INPP4A: variants seen among roughly 807,000 people sequenced by gnomAD.
The protein encoded by INPP4A is inositol polyphosphate-4-phosphatase, type I, 107kD.
A neutral mutation model predicts 119.8 loss-of-function variants in INPP4A; 33 were observed. The observed-to-expected ratio is 0.28, with a 90% CI of 0.21 to 0.37. The LOEUF (loss-of-function observed/expected upper bound fraction) is 0.37. Ranked by LOEUF, INPP4A falls within the 10% of genes least tolerant of loss-of-function variation. INPP4A has a pLI of 1.00. For missense variants in INPP4A, 956 were observed against 1,289.9 expected (o/e 0.74, Z 3.97); for synonymous variants, 496 against 500.7 (o/e 0.99, Z 0.12).
At chr2:98,472,197 T>C (rs1676172524) in intron 1 of INPP4A, among the ~76,000 whole-genome samples, 2 of 152,196 alleles carry the variant, frequency 1.3e-5, no homozygotes, top group South Asian at 4.1e-4. Flanking sequence ...CAAGGAGGGC[T>C]GGGCCTTGAA....
intron 10 of INPP4A, 107 bp downstream of exon 10, chr2:98,539,782 A>C: frequency 8.9e-7 from 1 of 1,117,564 alleles, no homozygotes; most frequent in Non-Finnish European, 1.2e-6. Context: ...CTGGACTGCA[A>C]ACACAGCCTC....
rs1210593911 is a variant in INPP4A, at chr2:98,555,625, G to C, written c.1639G>C (p.Glu547Gln). 1 of 1,608,028 alleles carries C rather than the reference G, an allele frequency of 6.2e-7. No homozygotes were observed. Among genetic ancestry groups the C allele is most frequent in the Admixed American group, 1.7e-5 (1 of 59,938 alleles). ...IQRVDKLLQK[E>Q]RLHGEGCEDV... is the part of the protein sequence containing the mutation. ...GCGTGTGGACAAGCTGCTGCAGAAG[G>C]AGCGGCTGCATGGCGAGGGCTGTGA... Residue 547 changes from glutamate (E) to glutamine (Q), a missense_variant, in exon 16 of 25, where the codon GAG becomes CAG. Around this residue, in one of 2 missense-constraint regions of INPP4A, gnomAD observed 652 missense variants for 797.9 expected, o/e 0.82. Transcript: ENST00000409851.
intron 1 of INPP4A, among the ~76,000 whole-genome samples, chr2:98,498,271 G>A (rs1383820927): frequency 6.6e-6 from 1 of 151,980 alleles, no homozygotes; most frequent in Non-Finnish European, 1.5e-5. Flanking sequence ...CTCCCATACT[G>A]TTCTCATGAT....
chr2:98,491,075 GAAC>G (rs1311875031), intron 1 of INPP4A, among the ~76,000 whole-genome samples: 3 of 152,168 alleles, frequency 2.0e-5, no homozygotes, highest in Admixed American at 6.5e-5. Context: ...ACAATAGTAG[GAAC>G]AACAAGTTCT....
At chr2:98,462,748 T>C (rs562496166) in intron 1 of INPP4A, among the ~76,000 whole-genome samples, 1 of 152,256 alleles carries the variant, frequency 6.6e-6, no homozygotes, top group South Asian at 2.1e-4. Flanking sequence ...ATTGAACTCC[T>C]GGGCTCAAGC....
At position 98,587,675 on chromosome 2, in the gene INPP4A, T is replaced by G; in HGVS notation, c.*67T>G. 3 of 1,228,496 alleles carry G rather than the reference T, an allele frequency of 2.4e-6. No homozygotes were observed. Among genetic ancestry groups the G allele is most frequent in the Non-Finnish European group, 3.4e-6 (3 of 888,878 alleles). 76.1% of individuals were successfully genotyped at this position (1,228,496 alleles called of 1,614,324 possible). On this transcript the variant is annotated 3_prime_UTR_variant, in exon 25 of 25. Transcript: ENST00000409851. ...GGTACCCTCTAGTGTCATATATGAA[T>G]TCTTCAAGAAGACCTGAAGGATTGG...
Position 98,567,949 on chromosome 2 carries a change from G to A in INPP4A, c.2421-622G>A, listed in dbSNP as rs540691294. Among the ~76,000 whole-genome samples, 5 of 152,332 alleles carry A rather than the reference G, an allele frequency of 3.3e-5. No homozygotes were observed. In the South Asian group the frequency reaches 1.0e-3, roughly 32 times the overall value. ...CAGGGATGTGTGAGACTGCACTGGGGCCCAGGACCTGGACTTCAGAGCCTG... is the reference window on the plus strand; with the variant it reads ...CAGGGATGTGTGAGACTGCACTGGGACCCAGGACCTGGACTTCAGAGCCTG... On this transcript the variant is annotated intron_variant, in intron 21 of 24. Coordinates refer to ENST00000409851, the MANE Select transcript of INPP4A (RefSeq NM_001134225.2).
At chr2:98,448,803 C>G (rs752392199) in intron 1 of INPP4A, among the ~76,000 whole-genome samples, 41 of 151,426 alleles carry the variant, frequency 2.7e-4, no homozygotes, top group Admixed American at 1.1e-3. Flanking sequence ...CTACTCCACT[C>G]AGTGATCCTT....
At chr2:98,576,906 GTT>G in intron 23 of INPP4A, 81 bp from the exon 24 acceptor site, 1 of 1,511,146 alleles carries the variant, frequency 6.6e-7, no homozygotes. Context: ...TGCTGGGCTG[GTT>G]GGGAGCCTTT....
Position 98,552,951 on chromosome 2 carries a change from C to T in INPP4A, c.1329C>T (p.Leu443=), listed in dbSNP as rs137960574. 2.5e-4 allele frequency: 404 copies of T among 1,611,314 alleles called. 1 individual carries two copies. Among genetic ancestry groups the T allele is most frequent in the Middle Eastern group, 1.2e-3 (7 of 6,060 alleles). Residue 443 remains leucine (L), a synonymous_variant, in exon 14 of 25, where the codon CTC becomes CTT. Transcript: ENST00000409851. ...CTGCCACTGGCCTTGAGAGGACACT[C>T]GCCATCTTGGCAGACAAGGTAGGAG... The part of the protein sequence containing the change: ...DRSATGLERT[L]AILADKTRQL...
rs909703889 is a variant in INPP4A at position 98,589,797 on chromosome 2, G to A, written c.*2189G>A. 20 of 185,914 alleles carry A rather than the reference G, an allele frequency of 1.1e-4. No homozygotes were observed. The highest frequency in any genetic ancestry group is 6.8e-4 in the Admixed American group (11 of 16,106). The allele number at this position is 185,914 out of a possible 1,614,324, so 11.5% of individuals were successfully genotyped here. A position where few individuals can be genotyped will look rare whatever the true frequency, so the allele number is the denominator to read the frequency against. On this transcript the variant is annotated 3_prime_UTR_variant, in exon 25 of 25. Transcript: ENST00000409851. ...AGGGAAGGCAGTTTTACAGGTTACC[G>A]TAAAACAGAGGTTCCGTCCAGTGTT...
intron 1 of INPP4A, 30 bp downstream of exon 1, chr2:98,445,115 C>A (rs959215841): frequency 1.3e-5 from 2 of 150,420 alleles, no homozygotes; most frequent in Non-Finnish European, 3.0e-5. Context: ...CAGGAGGCGA[C>A]GCGGCCGCCG....
intron 1 of INPP4A, among the ~76,000 whole-genome samples, chr2:98,493,479 C>T (rs1474141836): frequency 6.9e-6 from 1 of 145,166 alleles, no homozygotes; most frequent in South Asian, 2.2e-4. Flanking sequence ...CATGCTGCAG[C>T]CTCAACCTCC....
rs747228571 is a variant in INPP4A at position 98,566,050 on chromosome 2, C to T, written c.2301C>T (p.Val767=). ...CCAGCGACGGGTTTAACGTGCGGGT[C>T]CCTCTGCCGGGCCCGCTGTTTGACG... is the stretch of plus-strand genomic sequence containing the variant. ...TGNRDGFNVR[V]PLPGPLFDAL... The change falls in exon 21 of 25, where the codon GTC becomes GTT. Residue 767 remains valine (V), a synonymous_variant. Transcript: ENST00000409851. This position sits in a 1 kb window ranked among gnomAD's most constrained non-coding sequence, Gnocchi z 4.2. 14 of 1,606,082 alleles carry T rather than the reference C, an allele frequency of 8.7e-6. No individual in the cohort carries two copies. Among genetic ancestry groups the T allele is most frequent in the Non-Finnish European group, 1.2e-5 (14 of 1,176,742 alleles).
chr2:98,545,823 G>T (rs1186741713), intron 11 of INPP4A, 146 bp from the exon 12 acceptor site: 1 of 583,288 alleles, frequency 1.7e-6, no homozygotes, highest in Non-Finnish European at 3.0e-6. Context: ...AATGAAATGT[G>T]CTCATGGCAA....
At chr2:98,563,933 GTTTTT>G (rs60347668) in intron 18 of INPP4A, among the ~76,000 whole-genome samples, 1 of 125,508 alleles carries the variant, frequency 8.0e-6, no homozygotes, top group Non-Finnish European at 1.7e-5. Flanking sequence ...TCTTTGCTGC[GTTTTT>G]TTTTTTTTTT....
chr2:98,574,434 T>C (rs1421207913), intron 23 of INPP4A, among the ~76,000 whole-genome samples: 1 of 151,936 alleles, frequency 6.6e-6, no homozygotes, highest in Non-Finnish European at 1.5e-5. Flanking sequence ...GGTCAGGAGT[T>C]CGAGACCAGC....
At chr2:98,581,882 C>CTTA in intron 24 of INPP4A, 1 of 1,396,624 alleles carries the variant, frequency 7.2e-7, no homozygotes, top group East Asian at 2.7e-5. Context: ...TATTTCATGC[C>CTTA]TTACATTTTG....
rs138896024 is a variant in INPP4A, at chr2:98,456,440, C to T, written c.-166+11355C>T. 7.1e-3 allele frequency among the ~76,000 whole-genome samples: 1,075 copies of T among 152,224 alleles called. 4 individuals carry two copies. Among genetic ancestry groups the T allele is most frequent in the Non-Finnish European group, 0.012 (803 of 68,006 alleles). The stretch of plus-strand genomic sequence containing the variant: ...GCCTTGACCTCCTGGGCTCAAGCAT[C>T]CTCCTGCCTCAGCCTCCCAAGTAGC... On this transcript the variant is annotated intron_variant, in intron 1 of 24. Coordinates refer to ENST00000409851, the MANE Select transcript of INPP4A (RefSeq NM_001134225.2).
Sources: allele counts gnomAD v4.1 joint callset (sites outside exome capture counted in the v4.1 genomes callset), GRCh38; gene constraint gnomAD v4.1.1; regional missense constraint gnomAD v4.1.1; non-coding constraint Gnocchi (gnomAD v3.1); transcripts MANE v1.5; gene names NCBI Gene and HGNC (gene_info 2026-07-23, HGNC 2026-07-21).